Variants in NHSL1 observed in about 807,000 individuals in gnomAD.
NHSL1 encodes NHS-like protein 1.
A neutral mutation model predicts 95.0 loss-of-function variants in NHSL1; 48 were observed. The observed-to-expected ratio is 0.51, with a 90% CI of 0.40 to 0.64. The LOEUF is 0.64. Among genes scored for constraint, NHSL1 ranks in the 30% least tolerant of loss-of-function variants. The pLI, the probability that NHSL1 is intolerant of heterozygous loss-of-function variation, is 0.00. For synonymous variants in NHSL1, 783 were observed against 833.9 expected (o/e 0.94, Z 1.05); for missense variants, 1,971 against 2,077.7 (o/e 0.95, Z 1.00).
intron 1 of NHSL1, among the ~76,000 whole-genome samples, chr6:138,568,020 T>A (rs1783683846): frequency 6.6e-6 from 1 of 152,178 alleles, no homozygotes; most frequent in Non-Finnish European, 1.5e-5. Flanking sequence ...TTTAGTTTTA[T>A]TTGAGTGAGC....
At chr6:138,597,147 T>C (rs911358583) in intron 1 of NHSL1, among the ~76,000 whole-genome samples, 4 of 152,022 alleles carry the variant, frequency 2.6e-5, no homozygotes, top group African/African-American at 9.6e-5. Flanking sequence ...GGCGACAGAG[T>C]GAGATTCTGT....
intron 3 of NHSL1, among the ~76,000 whole-genome samples, chr6:138,459,178 G>C (rs1364639950): frequency 6.6e-6 from 1 of 152,022 alleles, no homozygotes; most frequent in Non-Finnish European, 1.5e-5. Flanking sequence ...AGTAGAGATG[G>C]GGTTTCGCCA....
intron 1 of NHSL1, among the ~76,000 whole-genome samples, chr6:138,685,405 C>A (rs534001854): frequency 2.6e-5 from 4 of 152,286 alleles, no homozygotes; most frequent in African/African-American, 9.6e-5. Context: ...AATGACATTG[C>A]ACTTTTTAAA....
chr6:138,431,160 C>T lies in NHSL1; in HGVS notation c.3185G>A (p.Arg1062Lys). ...RPPSTKEETS[R>K]PPMPLITTEA... The stretch of plus-strand genomic sequence containing the variant: ...CGTGGTTATCAGGGGCATGGGGGGC[C>T]TGCTGGTCTCCTCCTTGGTAGAAGG... The change falls in exon 6 of 8, where the codon AGG becomes AAG. Residue 1062 changes from arginine to lysine, a missense_variant. Arg to Lys is a conservative substitution (Grantham distance 26, BLOSUM62 2). This residue lies in a region of NHSL1 where 1,602 missense variants were observed against 1,654.5 expected (regional missense o/e 0.97). Transcript: ENST00000343505. This position sits in a 1 kb window ranked among gnomAD's most constrained non-coding sequence, Gnocchi z 4.0. 6.4e-7 allele frequency: 1 copy of T among 1,551,398 alleles called. No individual in the cohort carries two copies. Among genetic ancestry groups the T allele is most frequent in the African/African-American group, 1.4e-5 (1 of 73,132 alleles).
intron 5 of NHSL1, among the ~76,000 whole-genome samples, chr6:138,436,485 A>C (rs1171945308): frequency 6.6e-6 from 1 of 152,234 alleles, no homozygotes; most frequent in Non-Finnish European, 1.5e-5. Flanking sequence ...GAAGAGCTGG[A>C]AGCTAGCAGA....
intron 1 of NHSL1, among the ~76,000 whole-genome samples, chr6:138,580,088 C>T (rs889885437): frequency 5.3e-5 from 8 of 152,110 alleles, no homozygotes; most frequent in Non-Finnish European, 8.8e-5. Context: ...ATATCGAGTA[C>T]GTTTCCAAAC....
At chr6:138,497,103 A>G (rs901719007) in intron 1 of NHSL1, among the ~76,000 whole-genome samples, 1 of 152,218 alleles carries the variant, frequency 6.6e-6, no homozygotes, top group African/African-American at 2.4e-5. Context: ...GGACAAAATA[A>G]CAGGTAAAAT....
At chr6:138,690,112 A>G (rs1162244661) in intron 1 of NHSL1, among the ~76,000 whole-genome samples, 1 of 152,228 alleles carries the variant, frequency 6.6e-6, no homozygotes, top group East Asian at 1.9e-4. Flanking sequence ...GAATTCACGA[A>G]ATGGATGGCC....
chr6:138,433,509 A>T lies in NHSL1; in HGVS notation c.836T>A (p.Ile279Asn), dbSNP rs777824588. 1 of 1,551,984 alleles carries T rather than the reference A, an allele frequency of 6.4e-7. No homozygotes were observed. Among genetic ancestry groups the T allele is most frequent in the South Asian group, 1.2e-5 (1 of 84,052 alleles). Residue 279 changes from isoleucine (I) to asparagine (N), a missense_variant, in exon 6 of 8, where the codon ATC becomes AAC. Transcript: ENST00000343505. ...VKVVPPSMRR[I>N]RAQKGQGIAA... ...AATGCCTTGCCCCTTCTGTGCCCTG[A>T]TTCTCCTCATGGAAGGTGGTACGAC...
intron 3 of NHSL1, among the ~76,000 whole-genome samples, chr6:138,451,966 CAG>C (rs1777267678): frequency 6.6e-6 from 1 of 152,198 alleles, no homozygotes; most frequent in Admixed American, 6.5e-5. Context: ...TCTCCCCATA[CAG>C]AGAACAGAAT....
At chr6:138,650,839 G>T in intron 1 of NHSL1, 1 of 541,168 alleles carries the variant, frequency 1.8e-6, no homozygotes, top group Non-Finnish European at 3.8e-6. Flanking sequence ...ATGCTACCCA[G>T]GTCACAGTGA....
chr6:138,457,792 G>A (rs891106600), intron 3 of NHSL1, among the ~76,000 whole-genome samples: 14 of 151,976 alleles, frequency 9.2e-5, no homozygotes, highest in African/African-American at 3.1e-4. Flanking sequence ...GGCGGATCAC[G>A]AGGTCAGGAG....
At chr6:138,449,370 A>G (rs939470745) in intron 3 of NHSL1, among the ~76,000 whole-genome samples, 2 of 152,028 alleles carry the variant, frequency 1.3e-5, no homozygotes, top group South Asian at 2.1e-4. Flanking sequence ...TAAAGTGTCT[A>G]TGACTGTTAA....
intron 1 of NHSL1, among the ~76,000 whole-genome samples, chr6:138,670,213 C>A (rs1785346360): frequency 6.6e-6 from 1 of 152,080 alleles, no homozygotes; most frequent in Non-Finnish European, 1.5e-5. Context: ...CCAACAAGCC[C>A]CCTTCAAACA....
chr6:138,495,970 C>G (rs916804654), intron 2 of NHSL1, among the ~76,000 whole-genome samples: 1 of 152,098 alleles, frequency 6.6e-6, no homozygotes, highest in Admixed American at 6.6e-5. Context: ...CCCCATGATT[C>G]AATTATCTCC....
At chr6:138,661,851 G>C (rs1235860282) in intron 1 of NHSL1, among the ~76,000 whole-genome samples, 1 of 152,108 alleles carries the variant, frequency 6.6e-6, no homozygotes, top group Non-Finnish European at 1.5e-5. Flanking sequence ...AAGACTGCTT[G>C]ATTGAGGCCA....
chr6:138,429,851 A>G lies in NHSL1; in HGVS notation c.3953-8T>C, dbSNP rs761574263. 18 of 1,549,244 alleles carry G rather than the reference A, an allele frequency of 1.2e-5. No individual in the cohort carries two copies. Among genetic ancestry groups the G allele is most frequent in the Middle Eastern group, 1.7e-4 (1 of 5,940 alleles). On this transcript the variant is annotated splice_polypyrimidine_tract_variant and splice_region_variant and intron_variant, in intron 6 of 7. Transcript: ENST00000343505. Reference sequence around the variant, plus strand: ...TGGTCTCCGGCACCCCAGCTACAGAAGAGCAGGCAGGCATACAAGACGCAC... The same window carrying G: ...TGGTCTCCGGCACCCCAGCTACAGAGGAGCAGGCAGGCATACAAGACGCAC...
chr6:138,440,188 T>C (rs1378846741), intron 5 of NHSL1, among the ~76,000 whole-genome samples: 3 of 152,222 alleles, frequency 2.0e-5, no homozygotes, highest in African/African-American at 7.2e-5. Context: ...AGTTAAAGTA[T>C]AAATGTTGCT....
At position 138,432,552 on chromosome 6, in the gene NHSL1, G is replaced by A. The variant is rs1167012540; in HGVS notation, c.1793C>T (p.Ser598Leu). The A allele has an allele frequency of 4.5e-6, 7 of 1,552,002 alleles. No homozygotes were observed. Among genetic ancestry groups the A allele is most frequent in the East Asian group, 2.4e-5 (1 of 40,904 alleles). The change falls in exon 6 of 8, where the codon TCG becomes TTG. Residue 598 changes from serine (S) to leucine (L), a missense_variant. By Grantham distance (145) the Ser-to-Leu change is moderately radical (BLOSUM62 -2). This residue lies in a region of NHSL1 where 1,602 missense variants were observed against 1,654.5 expected (regional missense o/e 0.97). Transcript: ENST00000343505. This position sits in a 1 kb window ranked among gnomAD's most constrained non-coding sequence, Gnocchi z 4.4. ...DQTSNKEDAG[S>L]LYSEDHDGYC... ...GCCATCGTGGTCCTCAGAATACAGC[G>A]ACCCAGCATCCTCTTTGTTGGACGT...
Sources: allele counts gnomAD v4.1 joint callset (sites outside exome capture counted in the v4.1 genomes callset), GRCh38; gene constraint gnomAD v4.1.1; regional missense constraint gnomAD v4.1.1; non-coding constraint Gnocchi (gnomAD v3.1); transcripts MANE v1.5; gene names NCBI Gene and HGNC (gene_info 2026-07-23, HGNC 2026-07-21).